TRIO: variants seen among roughly 807,000 people sequenced by gnomAD.
TRIO encodes the protein triple functional domain protein.
Under a neutral mutation model 351.9 loss-of-function variants are expected in TRIO, and 58 were observed. The observed-to-expected ratio is 0.16, with a 90% CI of 0.13 to 0.21. The LOEUF (loss-of-function observed/expected upper bound fraction) is 0.21, where lower values mean the gene tolerates loss of function less well. TRIO is among the 10% of genes least tolerant of loss of function. The pLI is 1.00. For synonymous variants in TRIO, 1,758 were observed against 1,595.7 expected, an observed-to-expected ratio of 1.10 and a Z score of -2.42; for missense variants, 3,201 against 4,027.8, an observed-to-expected ratio of 0.79 and a Z score of 5.56.
At chr5:14,299,161 T>C (rs960958461) in intron 7 of TRIO, among the ~76,000 whole-genome samples, 5 of 152,196 alleles carry the variant, frequency 3.3e-5, no homozygotes, top group Non-Finnish European at 7.3e-5. Context: ...CTTCCAGTGT[T>C]TTATTATAAA....
intron 1 of TRIO, among the ~76,000 whole-genome samples, chr5:14,151,535 C>G (rs1395018028): frequency 6.6e-6 from 1 of 152,068 alleles, no homozygotes; most frequent in Non-Finnish European, 1.5e-5. Context: ...AATCTATTTT[C>G]AAAGAACTCG....
chr5:14,291,641 T>C (rs1035729092), intron 5 of TRIO, among the ~76,000 whole-genome samples: 1 of 151,406 alleles, frequency 6.6e-6, no homozygotes, highest in Admixed American at 6.6e-5. Context: ...ATACGAAAAT[T>C]AGCCGGGTGT....
intron 34 of TRIO, among the ~76,000 whole-genome samples, chr5:14,421,930 G>T (rs1333769486): frequency 6.6e-6 from 1 of 152,230 alleles, no homozygotes; most frequent in Non-Finnish European, 1.5e-5. Flanking sequence ...ACCCAGGCTT[G>T]CCTCTGCTCA....
At position 14,376,109 on chromosome 5, in the gene TRIO, G is replaced by C. The variant is rs141402458; in HGVS notation, c.3331+1766G>C. On this transcript the variant is annotated intron_variant, in intron 19 of 56. Coordinates refer to ENST00000344204, the MANE Select transcript of TRIO (RefSeq NM_007118.4). ...GTTCATTTTGGAGGTAGTATTGAGAGAGTCTGTTGTTAGGCTGGATGTAAA... is the reference window on the plus strand; with the variant it reads ...GTTCATTTTGGAGGTAGTATTGAGACAGTCTGTTGTTAGGCTGGATGTAAA... 6.7e-4 allele frequency among the ~76,000 whole-genome samples: 102 copies of C among 152,276 alleles called. 2 individuals carry two copies. The East Asian group carries it at 0.019, about 28-fold the overall frequency.
chr5:14,460,904 G>T (rs765806105), intron 34 of TRIO, 115 bp from the exon 35 acceptor site: 512 of 1,273,934 alleles, frequency 4.0e-4, no homozygotes, highest in Middle Eastern at 1.8e-3. Context: ...GGCAAAGCCC[G>T]CTGACGAGGC....
Position 14,286,725 on chromosome 5 carries a change from G to A in TRIO, c.348-146G>A. 2 of 732,032 alleles carry A rather than the reference G, an allele frequency of 2.7e-6. No individual in the cohort carries two copies. The highest frequency in any genetic ancestry group is 3.0e-5 in the Admixed American group (1 of 33,764). The allele number at this position is 732,032 out of a possible 1,614,324, so 45.3% of individuals were successfully genotyped here. On this transcript the variant is annotated intron_variant, in intron 3 of 56. Coordinates refer to ENST00000344204, the MANE Select transcript of TRIO (RefSeq NM_007118.4). This position sits in a 1 kb window ranked among gnomAD's most constrained non-coding sequence, Gnocchi z 4.4. ...TATGGTACAAGGGAGGGACGAGAAG[G>A]AGCTGAGCACAGTGTGCTCCTTCCC... is the stretch of plus-strand genomic sequence containing the variant.
intron 16 of TRIO, 75 bp downstream of exon 16, chr5:14,367,054 C>T: frequency 1.3e-6 from 2 of 1,584,830 alleles, no homozygotes; most frequent in Non-Finnish European, 1.7e-6. Context: ...CCCAACATGG[C>T]ACTGACCATG....
At chr5:14,397,437 T>TTAGA (rs1279786867) in intron 29 of TRIO, 5 of 326,542 alleles carry the variant, frequency 1.5e-5, no homozygotes, top group Non-Finnish European at 2.8e-5. Flanking sequence ...GTTCTCCCTG[T>TTAGA]TAGATGGATG....
chr5:14,287,525 A>G (rs1286716146), intron 4 of TRIO, among the ~76,000 whole-genome samples: 1 of 152,184 alleles, frequency 6.6e-6, no homozygotes, highest in Non-Finnish European at 1.5e-5. Flanking sequence ...TAGGCCTCTG[A>G]TTTCTGAAAA....
chr5:14,266,962 T>A (rs1417072352), intron 1 of TRIO, among the ~76,000 whole-genome samples: 3 of 152,236 alleles, frequency 2.0e-5, no homozygotes, highest in Non-Finnish European at 2.9e-5. Context: ...TTTCACTGTT[T>A]CCTGAAGCTA....
chr5:14,399,493 A>T (rs1271567315), intron 30 of TRIO: 3 of 199,476 alleles, frequency 1.5e-5, no homozygotes, highest in African/African-American at 6.9e-5. Flanking sequence ...AAATAAATGT[A>T]TGAAATATAA....
chr5:14,329,144 G>A (rs1224096465), intron 9 of TRIO, among the ~76,000 whole-genome samples: 1 of 152,138 alleles, frequency 6.6e-6, no homozygotes, highest in Non-Finnish European at 1.5e-5. Flanking sequence ...GTTGATCAAG[G>A]GCAAGGAACC....
chr5:14,161,979 G>C (rs995966658), intron 1 of TRIO, among the ~76,000 whole-genome samples: 1 of 152,158 alleles, frequency 6.6e-6, no homozygotes, highest in Non-Finnish European at 1.5e-5. Context: ...TTGGCCTCCT[G>C]AAGTGCTGGG....
At chr5:14,161,456 T>C (rs945361344) in intron 1 of TRIO, among the ~76,000 whole-genome samples, 1 of 152,176 alleles carries the variant, frequency 6.6e-6, no homozygotes, top group African/African-American at 2.4e-5. Flanking sequence ...CATGACACTT[T>C]GTGAGAACTG....
Position 14,479,291 on chromosome 5 carries a change from T to G in TRIO, c.6184T>G (p.Cys2062Gly), listed in dbSNP as rs1467928418. Residue 2062 changes from cysteine (C) to glycine (G), a missense_variant, in exon 42 of 57, where the codon TGT becomes GGT. This residue lies in a region of TRIO where 307 missense variants were observed against 396.5 expected (regional missense o/e 0.77). Transcript: ENST00000344204. ...AAGGTTGCACATGTACATAGCTTATTGTCAAAATAAACCAAAGTCTGAGCA... is the reference window on the plus strand; with the variant it reads ...AAGGTTGCACATGTACATAGCTTATGGTCAAAATAAACCAAAGTCTGAGCA... Reference protein sequence around the residue: ...ERRLHMYIAYCQNKPKSEHIV... With the variant: ...ERRLHMYIAYGQNKPKSEHIV... 1 of 1,614,056 alleles carries G rather than the reference T, an allele frequency of 6.2e-7. No homozygotes were observed. Among genetic ancestry groups the G allele is most frequent in the Non-Finnish European group, 8.5e-7 (1 of 1,179,978 alleles).
intron 1 of TRIO, among the ~76,000 whole-genome samples, chr5:14,259,272 A>G (rs1343797343): frequency 6.6e-6 from 1 of 152,238 alleles, no homozygotes; most frequent in Non-Finnish European, 1.5e-5. Context: ...TCCCATCAGT[A>G]TATTTAAATT....
intron 36 of TRIO, among the ~76,000 whole-genome samples, chr5:14,465,246 C>T (rs17500759): frequency 0.082 from 12,428 of 152,114 alleles, 592 homozygotes; most frequent in Middle Eastern, 0.13. Context: ...ACGGTTAGAA[C>T]GTTCCCTTGC....
chr5:14,324,213 T>A (rs915581703), intron 9 of TRIO, among the ~76,000 whole-genome samples: 4 of 152,162 alleles, frequency 2.6e-5, no homozygotes, highest in Admixed American at 2.0e-4. Context: ...GGAAAAAAAA[T>A]CTGACTTTGT....
intron 48 of TRIO, chr5:14,488,494 C>CG (rs1262034444): frequency 3.4e-6 from 2 of 584,134 alleles, no homozygotes; most frequent in Non-Finnish European, 5.8e-6. Context: ...ACCTTCTCAA[C>CG]GCAGCGTCTT....
Sources: allele counts gnomAD v4.1 joint callset (sites outside exome capture counted in the v4.1 genomes callset), GRCh38; gene constraint gnomAD v4.1.1; regional missense constraint gnomAD v4.1.1; non-coding constraint Gnocchi (gnomAD v3.1); transcripts MANE v1.5; gene names NCBI Gene and HGNC (gene_info 2026-07-23, HGNC 2026-07-21).